Variants in CACHD1 observed in about 807,000 individuals in gnomAD.
CACHD1 encodes the protein VWFA and cache domain-containing protein 1.
A neutral mutation model predicts 138.7 loss-of-function variants in CACHD1; 71 were observed. The observed-to-expected ratio is 0.51, with a 90% CI of 0.42 to 0.62. The LOEUF is 0.62. Ranked by LOEUF, CACHD1 falls within the 20% of genes least tolerant of loss-of-function variation. CACHD1 has a pLI of 0.00. For missense variants in CACHD1, 1,389 were observed against 1,625.3 expected, an observed-to-expected ratio of 0.85 and a Z score of 2.50; for synonymous variants, 578 against 591.5, an observed-to-expected ratio of 0.98 and a Z score of 0.33.
intron 2 of CACHD1, among the ~76,000 whole-genome samples, chr1:64,560,743 A>G (rs1056767478): frequency 1.3e-5 from 2 of 151,844 alleles, no homozygotes; most frequent in Admixed American, 6.6e-5. Flanking sequence ...GTATGGGCTG[A>G]TTTTTATTTT....
chr1:64,681,544 T>TGG (rs1650184582), intron 25 of CACHD1, among the ~76,000 whole-genome samples: 2 of 110,614 alleles, frequency 1.8e-5, no homozygotes, highest in African/African-American at 6.0e-5. Context: ...TTATTGTGTT[T>TGG]TTTTTTTTTT....
intron 1 of CACHD1, among the ~76,000 whole-genome samples, chr1:64,501,952 A>G (rs1266086884): frequency 2.0e-5 from 3 of 152,232 alleles, no homozygotes; most frequent in Non-Finnish European, 2.9e-5. Context: ...GTCATTACTG[A>G]AAAGTGTTCT....
In CACHD1 at chr1:64,666,091, T is replaced by G; in HGVS notation, c.2311T>G (p.Ser771Ala). The change falls in exon 16 of 27, where the codon TCT becomes GCT. Residue 771 changes from serine (S) to alanine (A), a missense_variant. Around this residue, in one of 5 missense-constraint regions of CACHD1, gnomAD observed 1,000 missense variants for 1,114.7 expected, o/e 0.90. Coordinates refer to ENST00000651257, the MANE Select transcript of CACHD1 (RefSeq NM_020925.4). ...TGCAGTAGCTAATCCAGGGTTGATT[T>G]CTTTGACTGGTCCTTACTTAGATGT... ...LHAVANPGLI[S>A]LTGPYLDVGG... 6 of 1,612,714 alleles carry G rather than the reference T, an allele frequency of 3.7e-6. No individual in the cohort carries two copies. The highest frequency in any genetic ancestry group is 5.1e-6 in the Non-Finnish European group (6 of 1,178,806).
chr1:64,478,336 A>G (rs920325333), intron 1 of CACHD1, among the ~76,000 whole-genome samples: 1 of 152,212 alleles, frequency 6.6e-6, no homozygotes, highest in South Asian at 2.1e-4. Context: ...TGTTTTTCTT[A>G]AAGGCTGGCA....
intron 4 of CACHD1, among the ~76,000 whole-genome samples, chr1:64,606,081 CTT>C: frequency 7.0e-6 from 1 of 142,908 alleles, no homozygotes; most frequent in Admixed American, 7.4e-5. Context: ...AGTAAGTACT[CTT>C]TTGTTCTAGG....
At chr1:64,654,535 A>C (rs1570455711) in intron 11 of CACHD1, 151 bp from the exon 12 acceptor site, 1 of 623,092 alleles carries the variant, frequency 1.6e-6, no homozygotes, top group Non-Finnish European at 2.9e-6. Context: ...TACGCAATTG[A>C]AAATCTCACA....
chr1:64,613,764 C>T (rs1647610937), intron 4 of CACHD1, among the ~76,000 whole-genome samples: 1 of 152,182 alleles, frequency 6.6e-6, no homozygotes, highest in South Asian at 2.1e-4. Flanking sequence ...GATGTCCCCA[C>T]ATATCCTCTC....
chr1:64,475,088 A>T (rs1018336572), intron 1 of CACHD1, among the ~76,000 whole-genome samples: 7 of 152,014 alleles, frequency 4.6e-5, no homozygotes. Context: ...ATATAAAGCA[A>T]TGTTGTAAAT....
chr1:64,585,430 T>A (rs79214554), intron 3 of CACHD1, among the ~76,000 whole-genome samples: 1,946 of 152,322 alleles, frequency 0.013, 39 homozygotes, highest in African/African-American at 0.045. Context: ...ATTTAGTTAG[T>A]TGAACATCCA....
At chr1:64,530,923 G>GTTTTTTTTTTTTTTTTTTTTTTTTT in intron 1 of CACHD1, among the ~76,000 whole-genome samples, 1 of 132,572 alleles carries the variant, frequency 7.5e-6, no homozygotes, top group South Asian at 2.2e-4. Context: ...ATTCCATCGT[G>GTTTTTTTTTTTTTTTTTTTTTTTTT]TTTTTTTTTG....
chr1:64,598,815 G>A (rs979763423), intron 3 of CACHD1, among the ~76,000 whole-genome samples: 3 of 151,260 alleles, frequency 2.0e-5, no homozygotes, highest in African/African-American at 4.9e-5. Context: ...TTTTATTGAT[G>A]CAATGGTCTG....
chr1:64,635,442 C>G (rs4363457), intron 7 of CACHD1, among the ~76,000 whole-genome samples: 144,372 of 145,726 alleles, frequency 0.99, 71,532 homozygotes, highest in East Asian at 1. Flanking sequence ...GGAGTGTGAT[C>G]GCGCAATCCC....
At chr1:64,614,670 A>G (rs1289689056) in intron 4 of CACHD1, among the ~76,000 whole-genome samples, 1 of 152,174 alleles carries the variant, frequency 6.6e-6, no homozygotes, top group Non-Finnish European at 1.5e-5. Context: ...GCATCTGCCT[A>G]TGAGTGGCTC....
chr1:64,568,800 CAT>C (rs1266248321), intron 2 of CACHD1, among the ~76,000 whole-genome samples: 1 of 152,184 alleles, frequency 6.6e-6, no homozygotes, highest in East Asian at 1.9e-4. Flanking sequence ...TGTGTATGCA[CAT>C]GTTTTATGTA....
chr1:64,484,925 GCTA>G (rs1229188006), intron 1 of CACHD1, among the ~76,000 whole-genome samples: 2 of 152,202 alleles, frequency 1.3e-5, no homozygotes, highest in Non-Finnish European at 2.9e-5. Context: ...TGTGAATAAT[GCTA>G]CTACAAACAT....
At chr1:64,686,416 A>G (rs1376895706) in intron 26 of CACHD1, among the ~76,000 whole-genome samples, 1 of 152,228 alleles carries the variant, frequency 6.6e-6, no homozygotes, top group African/African-American at 2.4e-5. Flanking sequence ...TTCGTTTTTC[A>G]AAAGAATCTA....
chr1:64,657,642 T>G (rs1406801734), intron 12 of CACHD1, among the ~76,000 whole-genome samples: 1 of 152,220 alleles, frequency 6.6e-6, no homozygotes, highest in Non-Finnish European at 1.5e-5. Context: ...TCCAGGAAGA[T>G]GCAAATTGCT....
At chr1:64,675,342 G>C in intron 19 of CACHD1, 59 bp from the exon 20 acceptor site, 1 of 1,391,284 alleles carries the variant, frequency 7.2e-7, no homozygotes, top group East Asian at 2.4e-5. Context: ...TTTTCACCAA[G>C]GTAGGGCTGA....
At chr1:64,486,141 C>T (rs1646240654) in intron 1 of CACHD1, among the ~76,000 whole-genome samples, 1 of 151,946 alleles carries the variant, frequency 6.6e-6, no homozygotes, top group African/African-American at 2.4e-5. Flanking sequence ...TTTCATGTGC[C>T]TATTTGCCAT....
Sources: allele counts gnomAD v4.1 joint callset (sites outside exome capture counted in the v4.1 genomes callset), GRCh38; gene constraint gnomAD v4.1.1; regional missense constraint gnomAD v4.1.1; transcripts MANE v1.5; gene names NCBI Gene and HGNC (gene_info 2026-07-23, HGNC 2026-07-21).